Variants in ZNF516 observed in about 807,000 individuals in gnomAD.
ZNF516 encodes zinc finger protein 516.
A neutral mutation model predicts 79.7 loss-of-function variants in ZNF516; 19 were observed. The ratio of observed to expected loss-of-function variants is 0.24; its 90% confidence interval spans 0.17 to 0.35. ZNF516 has a LOEUF of 0.35. ZNF516 is among the 10% of genes least tolerant of loss of function. The pLI is 1.00. For missense variants in ZNF516, 1,678 were observed against 1,679.5 expected, an observed-to-expected ratio of 1.00 and a Z score of 0.02; for synonymous variants, 877 against 739.5, an observed-to-expected ratio of 1.19 and a Z score of -3.02.
At chr18:76,412,833 CTTCTTTCTA>C (rs1226663817) in intron 3 of ZNF516, among the ~76,000 whole-genome samples, 1 of 152,230 alleles carries the variant, frequency 6.6e-6, no homozygotes, top group Non-Finnish European at 1.5e-5. Context: ...AACTCCGGGT[CTTCTTTCTA>C]GTCTTTCTTC....
At chr18:76,477,625 T>C (rs1281993460) in intron 1 of ZNF516, among the ~76,000 whole-genome samples, 1 of 152,156 alleles carries the variant, frequency 6.6e-6, no homozygotes, top group African/African-American at 2.4e-5. Flanking sequence ...TTTTATACTT[T>C]AAATCCCCTA....
At chr18:76,367,622 G>A (rs763036769) in intron 6 of ZNF516, among the ~76,000 whole-genome samples, 7 of 152,056 alleles carry the variant, frequency 4.6e-5, no homozygotes, top group African/African-American at 1.2e-4. Context: ...CCATCCCTCC[G>A]CCCCTCCATA....
chr18:76,466,719 G>A (rs547850667), intron 1 of ZNF516, among the ~76,000 whole-genome samples: 70 of 152,352 alleles, frequency 4.6e-4, no homozygotes, highest in African/African-American at 1.5e-3. Flanking sequence ...GTGGGGACAC[G>A]TGCCTACAGT....
chr18:76,418,536 AAC>A (rs201450685), intron 3 of ZNF516, among the ~76,000 whole-genome samples: 3,453 of 152,178 alleles, frequency 0.023, 66 homozygotes, highest in Middle Eastern at 0.041. Context: ...CACGCACTGT[AAC>A]ACACACTATG....
chr18:76,446,185 T>A (rs1193332843), intron 2 of ZNF516, among the ~76,000 whole-genome samples: 1 of 152,064 alleles, frequency 6.6e-6, no homozygotes, highest in African/African-American at 2.4e-5. Context: ...AGAAGCCACA[T>A]GTCACCGAAG....
chr18:76,389,812 T>C (rs1461713645), intron 3 of ZNF516, among the ~76,000 whole-genome samples: 1 of 152,186 alleles, frequency 6.6e-6, no homozygotes, highest in African/African-American at 2.4e-5. Flanking sequence ...TACACAGCCA[T>C]CACTGCCCGC....
At chr18:76,388,094 G>T (rs985736695) in intron 3 of ZNF516, 1 of 152,062 alleles carries the variant, frequency 6.6e-6, no homozygotes, top group Non-Finnish European at 1.5e-5. Context: ...GAACTCCAGG[G>T]GAAGATCATC....
chr18:76,491,668 GCCC>G, intron 1 of ZNF516: 1 of 558,202 alleles, frequency 1.8e-6, no homozygotes, highest in Non-Finnish European at 2.2e-6. Context: ...AGCGGCCACC[GCCC>G]CCACCCCGGG....
At chr18:76,376,691 C>T (rs1212986692) in intron 4 of ZNF516, among the ~76,000 whole-genome samples, 2 of 152,232 alleles carry the variant, frequency 1.3e-5, no homozygotes, top group Non-Finnish European at 2.9e-5. Context: ...ACAGCAACTA[C>T]GCCACCCACA....
chr18:76,437,335 C>T (rs927930365), intron 3 of ZNF516, among the ~76,000 whole-genome samples: 2 of 152,028 alleles, frequency 1.3e-5, no homozygotes, highest in South Asian at 2.1e-4. Context: ...GCTCTGAGGA[C>T]GGGGCTGCTG....
intron 3 of ZNF516, among the ~76,000 whole-genome samples, chr18:76,435,600 T>A (rs971581007): frequency 2.7e-4 from 41 of 152,168 alleles, no homozygotes; most frequent in African/African-American, 8.4e-4. Flanking sequence ...GTCAACTACA[T>A]CTGAATATTT....
intron 1 of ZNF516, chr18:76,490,947 T>TCA (rs1288891306): frequency 1.8e-5 from 18 of 984,982 alleles, no homozygotes; most frequent in Non-Finnish European, 1.8e-5. Context: ...CACTGTGAGG[T>TCA]CACACACGCA....
In ZNF516 at chr18:76,376,568, T is replaced by G. The variant is rs1345868079; in HGVS notation, c.3259+2287A>C. Among the ~76,000 whole-genome samples, 3 of 152,152 alleles carry G rather than the reference T, an allele frequency of 2.0e-5. No individual in the cohort carries two copies. In the East Asian group the frequency reaches 5.8e-4, roughly 29 times the overall value. ...AAAAAAAGACCTTAGAACCATTTATTTTTTAAAATGTCTGTAAGAAAAGGG... is the reference window on the plus strand; with the variant it reads ...AAAAAAAGACCTTAGAACCATTTATGTTTTAAAATGTCTGTAAGAAAAGGG... On this transcript the variant is annotated intron_variant, in intron 4 of 6. Coordinates refer to ENST00000443185, the MANE Select transcript of ZNF516 (RefSeq NM_014643.4).
intron 2 of ZNF516, among the ~76,000 whole-genome samples, chr18:76,462,670 G>C (rs1214103181): frequency 6.6e-6 from 1 of 152,180 alleles, no homozygotes; most frequent in Non-Finnish European, 1.5e-5. Context: ...TTACTCATAT[G>C]CAAGCTAATA....
rs1239135425 is a variant in ZNF516, at chr18:76,360,640, A to AT, written c.*1857_*1858insA. On this transcript the variant is annotated 3_prime_UTR_variant, in exon 7 of 7. Transcript: ENST00000443185. ...TATCAGAAAAAAATAAGTAAAAAAA[A>AT]AAAAAAATATATATATATATATATA... 11 of 107,498 alleles carry AT rather than the reference A, an allele frequency of 1.0e-4. No individual in the cohort carries two copies. The highest frequency in any genetic ancestry group is 1.8e-4 in the Admixed American group (2 of 10,850). 6.7% of individuals were successfully genotyped at this position (107,498 alleles called of 1,614,324 possible). A position where few individuals can be genotyped will look rare whatever the true frequency, so the allele number is the denominator to read the frequency against.
At chr18:76,402,627 CG>C (rs1482228786) in intron 3 of ZNF516, among the ~76,000 whole-genome samples, 3 of 152,182 alleles carry the variant, frequency 2.0e-5, no homozygotes, top group Non-Finnish European at 1.5e-5. Flanking sequence ...GATTGCAAAA[CG>C]GGAAGTGATC....
In ZNF516 at chr18:76,442,759, TCGC is replaced by T. The variant is rs1273707427; in HGVS notation, c.293_295del (p.Gly98del). The T allele has an allele frequency of 6.3e-7, 1 of 1,589,516 alleles. No individual in the cohort carries two copies. Among genetic ancestry groups the T allele is most frequent in the Non-Finnish European group, 8.6e-7 (1 of 1,167,910 alleles). ...GGCGCGCATCTCACCCAGCGGCGCC[TCGC>T]CCGCCTCCGGCTCGTGTCCCTGAAT... On this transcript the variant is annotated inframe_deletion, in exon 3 of 7. Transcript: ENST00000443185.
intron 3 of ZNF516, among the ~76,000 whole-genome samples, chr18:76,422,168 AGAGAT>A (rs2075517014): frequency 6.6e-6 from 1 of 152,208 alleles, no homozygotes; most frequent in African/African-American, 2.4e-5. Context: ...ACCATCAGCT[AGAGAT>A]GTGGAGGACA....
chr18:76,368,694 T>C (rs373627898), intron 6 of ZNF516, among the ~76,000 whole-genome samples: 37 of 152,312 alleles, frequency 2.4e-4, no homozygotes, highest in African/African-American at 7.9e-4. Flanking sequence ...ACAATATAAG[T>C]ACATCTTTTC....
Sources: gnomAD v4.1 joint callset for allele counts (sites outside exome capture counted in the v4.1 genomes callset) on GRCh38, gnomAD v4.1.1 for gene constraint, MANE v1.5 for transcripts, NCBI Gene and HGNC (gene_info 2026-07-23, HGNC 2026-07-21) for gene names.